The following VAV2 variants were observed in gnomAD, a reference collection of about 807,000 sequenced individuals.
The protein encoded by VAV2 is vav guanine nucleotide exchange factor 2.
VAV2 carries 67 observed loss-of-function variants against 132.5 expected under a neutral mutation model. The observed-to-expected ratio is 0.51, with a 90% CI of 0.42 to 0.62. The LOEUF is 0.62. Among genes scored for constraint, VAV2 ranks in the 20% least tolerant of loss-of-function variants. The pLI, the probability that VAV2 is intolerant of heterozygous loss-of-function variation, is 0.00. For missense variants in VAV2, 938 were observed against 1,153.6 expected, an observed-to-expected ratio of 0.81 and a Z score of 2.71; for synonymous variants, 492 against 443.5, an observed-to-expected ratio of 1.11 and a Z score of -1.37.
chr9:133,931,920 T>C (rs923863312), intron 2 of VAV2, among the ~76,000 whole-genome samples: 2 of 152,156 alleles, frequency 1.3e-5, no homozygotes, highest in African/African-American at 4.8e-5. Flanking sequence ...TAGGTGGGGA[T>C]AACACAGGCG....
At chr9:133,791,504 T>C (rs980564324) in intron 13 of VAV2, among the ~76,000 whole-genome samples, 3 of 152,160 alleles carry the variant, frequency 2.0e-5, no homozygotes, top group Non-Finnish European at 2.9e-5. Context: ...GGCTGGGCAA[T>C]GAATACAGTC....
chr9:133,856,440 C>CT lies in VAV2; in HGVS notation c.380+4933_380+4934insA, dbSNP rs1564409689. 3.5e-3 allele frequency among the ~76,000 whole-genome samples: 525 copies of CT among 151,860 alleles called. 28 individuals are homozygous for CT. Among genetic ancestry groups the CT allele is most frequent in the African/African-American group, 0.012 (480 of 41,326 alleles). On this transcript the variant is annotated intron_variant, in intron 3 of 29. Coordinates refer to ENST00000371850, the MANE Select transcript of VAV2 (RefSeq NM_001134398.2). ...GCTGGTATGTGCCCCCCACCGGGAC[C>CT]CCATGCTGGTATGTGCCCCCCACCG... is the stretch of plus-strand genomic sequence containing the variant.
chr9:133,953,032 G>A, intron 1 of VAV2, among the ~76,000 whole-genome samples: 1 of 147,444 alleles, frequency 6.8e-6, no homozygotes, highest in Non-Finnish European at 1.5e-5. Flanking sequence ...GAGGGAGCAT[G>A]GCCCCCGGGA....
chr9:133,894,848 A>G (rs2131988721), intron 2 of VAV2, among the ~76,000 whole-genome samples: 1 of 152,288 alleles, frequency 6.6e-6, no homozygotes, highest in East Asian at 1.9e-4. Context: ...CCATGACGCT[A>G]TGACCCTAGG....
intron 1 of VAV2, among the ~76,000 whole-genome samples, chr9:133,949,477 C>T (rs887482385): frequency 5.9e-5 from 9 of 152,326 alleles, no homozygotes; most frequent in Admixed American, 2.6e-4. Context: ...GAACACTGTT[C>T]CCTATCCCCA....
chr9:133,806,528 C>A (rs1835153744), intron 8 of VAV2, among the ~76,000 whole-genome samples: 1 of 151,618 alleles, frequency 6.6e-6, no homozygotes, highest in Non-Finnish European at 1.5e-5. Context: ...CCCCCATCCC[C>A]ACCCCGGGAC....
At chr9:133,900,843 G>C (rs1468314178) in intron 2 of VAV2, among the ~76,000 whole-genome samples, 4 of 150,998 alleles carry the variant, frequency 2.6e-5, no homozygotes, top group Non-Finnish European at 2.9e-5. Context: ...CTGTCGCCCA[G>C]GCTAGAGTGC....
intron 3 of VAV2, 151 bp downstream of exon 3, chr9:133,861,223 G>T: frequency 1.5e-6 from 1 of 663,596 alleles, no homozygotes; most frequent in Non-Finnish European, 2.2e-6. Context: ...TCCTGCAGCC[G>T]CCAACGGGTT....
chr9:133,852,077 G>A (rs1483372105), intron 3 of VAV2, among the ~76,000 whole-genome samples: 12 of 152,074 alleles, frequency 7.9e-5, no homozygotes, highest in African/African-American at 2.4e-5. Flanking sequence ...AGTGACAGAC[G>A]GGCTGATGAG....
At position 133,794,205 on chromosome 9, in the gene VAV2, C is replaced by T. The variant is rs73553919; in HGVS notation, c.1101+1463G>A. On this transcript the variant is annotated intron_variant, in intron 12 of 29. Coordinates refer to ENST00000371850, the MANE Select transcript of VAV2 (RefSeq NM_001134398.2). This position sits in a 1 kb window ranked among gnomAD's most constrained non-coding sequence, Gnocchi z 4.6. ...GGACGCATCCACGCTGGCTCACACACCGTGGCTCACAGCAGACAGGCCAGA... is the reference window on the plus strand; with the variant it reads ...GGACGCATCCACGCTGGCTCACACATCGTGGCTCACAGCAGACAGGCCAGA... 0.052 allele frequency among the ~76,000 whole-genome samples: 7,846 copies of T among 152,244 alleles called. 359 individuals carry two copies. The highest frequency in any genetic ancestry group is 0.12 in the African/African-American group (5,145 of 41,520).
At chr9:133,817,587 G>A (rs371453480) in intron 4 of VAV2, among the ~76,000 whole-genome samples, 3 of 152,166 alleles carry the variant, frequency 2.0e-5, no homozygotes, top group Non-Finnish European at 4.4e-5. Context: ...CAGCCTGGGA[G>A]ACAAGAGTGA....
chr9:133,867,727 T>C lies in VAV2; in HGVS notation c.322-6295A>G, dbSNP rs144334325. On this transcript the variant is annotated intron_variant, in intron 2 of 29. Transcript: ENST00000371850. ...TCGCCACCTGGAGCTGGAAAGGACATGCACCTTCTCCCAGGAGGAGCAAGG... is the reference window on the plus strand; with the variant it reads ...TCGCCACCTGGAGCTGGAAAGGACACGCACCTTCTCCCAGGAGGAGCAAGG... Among the ~76,000 whole-genome samples the C allele has an allele frequency of 9.2e-3, 1,408 of 152,366 alleles. 40 individuals are homozygous for C. Among genetic ancestry groups the C allele is most frequent in the Admixed American group, 0.053 (815 of 15,302 alleles).
chr9:133,940,242 GC>G (rs1289394671), intron 1 of VAV2, among the ~76,000 whole-genome samples: 1 of 152,102 alleles, frequency 6.6e-6, no homozygotes. Context: ...GGAGCCATCA[GC>G]CCCCCAATCC....
At chr9:133,910,837 A>AG (rs397960816) in intron 2 of VAV2, among the ~76,000 whole-genome samples, 1 of 138,134 alleles carries the variant, frequency 7.2e-6, no homozygotes, top group African/African-American at 2.9e-5. Flanking sequence ...AAAAAAAAAA[A>AG]GAAAAAGAAA....
At chr9:133,775,158 A>G (rs1301283974) in intron 24 of VAV2, 107 bp from the exon 25 acceptor site, 5 of 873,910 alleles carry the variant, frequency 5.7e-6, no homozygotes, top group Admixed American at 2.6e-5. Flanking sequence ...TGCAGTCCTC[A>G]TCTGAGAGCT....
Position 133,840,943 on chromosome 9 carries a change from A to G in VAV2, c.381-6603T>C, listed in dbSNP as rs1836696766. On this transcript the variant is annotated intron_variant, in intron 3 of 29. Transcript: ENST00000371850. This position sits in a 1 kb window ranked among gnomAD's most constrained non-coding sequence, Gnocchi z 4.5. ...TCTCCAAGCTGAGGGTAGCAAGCAC[A>G]GGTCTGTCAGTGCAGACCCTCAGGA... Among the ~76,000 whole-genome samples, 1 of 152,112 alleles carries G rather than the reference A, an allele frequency of 6.6e-6. No individual in the cohort carries two copies. Among genetic ancestry groups the G allele is most frequent in the South Asian group, 2.1e-4 (1 of 4,812 alleles).
chr9:133,778,704 G>A, intron 22 of VAV2, 58 bp downstream of exon 22: 1 of 1,595,746 alleles, frequency 6.3e-7, no homozygotes, highest in South Asian at 1.1e-5. Context: ...TTCTGCCCCA[G>A]GGAGCAGGGA....
intron 3 of VAV2, among the ~76,000 whole-genome samples, chr9:133,852,876 C>T (rs915074117): frequency 4.0e-5 from 6 of 150,494 alleles, no homozygotes; most frequent in Admixed American, 2.0e-4. Flanking sequence ...CCCATTGGGC[C>T]CCCCCTGCCA....
intron 3 of VAV2, among the ~76,000 whole-genome samples, chr9:133,845,998 A>C (rs997289090): frequency 3.3e-5 from 5 of 152,214 alleles, no homozygotes; most frequent in South Asian, 2.1e-4. Flanking sequence ...ACACCCACCC[A>C]GCTGAAAGGG....
Sources: gnomAD v4.1 joint callset for allele counts (sites outside exome capture counted in the v4.1 genomes callset) on GRCh38, gnomAD v4.1.1 for gene constraint, Gnocchi (gnomAD v3.1) non-coding constraint, MANE v1.5 for transcripts, NCBI Gene and HGNC (gene_info 2026-07-23, HGNC 2026-07-21) for gene names.